MCTP1: variants seen among roughly 807,000 people sequenced by gnomAD.
MCTP1 encodes multiple C2 and transmembrane domain containing 1.
Under a neutral mutation model 120.6 loss-of-function variants are expected in MCTP1, and 69 were observed. The ratio of observed to expected loss-of-function variants is 0.57; its 90% CI spans 0.47 to 0.70. MCTP1 has a LOEUF of 0.70. Among genes scored for constraint, MCTP1 ranks in the 30% least tolerant of loss-of-function variants. MCTP1 has a pLI of 0.00. For synonymous variants in MCTP1, 529 were observed against 493.1 expected (o/e 1.07, Z -0.96); for missense variants, 1,203 against 1,248.8 (o/e 0.96, Z 0.55).
chr5:95,220,215 A>AT (rs1187579040), intron 1 of MCTP1, among the ~76,000 whole-genome samples: 2 of 152,226 alleles, frequency 1.3e-5, no homozygotes, highest in East Asian at 1.9e-4. Context: ...TACATGAGAG[A>AT]TTTTTTTGTG....
intron 8 of MCTP1, among the ~76,000 whole-genome samples, chr5:94,915,181 G>A (rs1581333693): frequency 2.0e-5 from 3 of 152,156 alleles, no homozygotes; most frequent in South Asian, 2.1e-4. Flanking sequence ...TGGTTCCCAC[G>A]AAAACCCCAT....
chr5:94,806,719 A>C (rs2153048581), intron 17 of MCTP1, among the ~76,000 whole-genome samples: 1 of 152,362 alleles, frequency 6.6e-6, no homozygotes, highest in East Asian at 1.9e-4. Context: ...AATCTCATCC[A>C]AAATGATTAA....
chr5:95,231,337 G>GATAT (rs138755290), intron 1 of MCTP1, among the ~76,000 whole-genome samples: 1 of 149,740 alleles, frequency 6.7e-6, no homozygotes, highest in Non-Finnish European at 1.5e-5. Flanking sequence ...GATGGATAAG[G>GATAT]ATATATATAT....
chr5:94,738,069 G>T (rs2152736650), intron 19 of MCTP1, among the ~76,000 whole-genome samples: 1 of 152,344 alleles, frequency 6.6e-6, no homozygotes, highest in African/African-American at 2.4e-5. Context: ...TCACCACCTA[G>T]TGGCACTTGT....
At chr5:94,819,330 C>T (rs1438177095) in intron 17 of MCTP1, among the ~76,000 whole-genome samples, 1 of 151,908 alleles carries the variant, frequency 6.6e-6, no homozygotes, top group East Asian at 1.9e-4. Flanking sequence ...GGAGTTTCAC[C>T]ATGTTGGCCA....
intron 5 of MCTP1, among the ~76,000 whole-genome samples, chr5:94,934,336 C>G (rs1581435106): frequency 6.6e-6 from 1 of 151,692 alleles, no homozygotes; most frequent in Non-Finnish European, 1.5e-5. Context: ...GCTCTATGAT[C>G]TTAACTTCAG....
chr5:94,952,171 C>CAAAACAAAAAAAAAAAAAA (rs1820768239), intron 3 of MCTP1, among the ~76,000 whole-genome samples: 1 of 87,890 alleles, frequency 1.1e-5, no homozygotes, highest in Non-Finnish European at 2.2e-5. Flanking sequence ...GACTTTGTCG[C>CAAAACAAAAAAAAAAAAAA]AAAAAAAAAA....
chr5:95,010,701 T>C (rs1331661841), intron 2 of MCTP1, among the ~76,000 whole-genome samples: 1 of 152,124 alleles, frequency 6.6e-6, no homozygotes, highest in Non-Finnish European at 1.5e-5. Context: ...CAAAGTAATA[T>C]TTTCTGTCCC....
At chr5:95,145,009 T>C (rs557876669) in intron 1 of MCTP1, among the ~76,000 whole-genome samples, 41 of 152,342 alleles carry the variant, frequency 2.7e-4, no homozygotes, top group Non-Finnish European at 1.0e-4. Context: ...ATTTTAATGA[T>C]ATTGATTCTT....
At chr5:94,763,250 T>C (rs1264240038) in intron 19 of MCTP1, among the ~76,000 whole-genome samples, 3 of 152,216 alleles carry the variant, frequency 2.0e-5, no homozygotes, top group African/African-American at 7.2e-5. Context: ...CATTTCATCA[T>C]AACAATTCTC....
chr5:95,249,513 T>C (rs1258584068), intron 1 of MCTP1, among the ~76,000 whole-genome samples: 2 of 151,956 alleles, frequency 1.3e-5, no homozygotes, highest in African/African-American at 4.8e-5. Flanking sequence ...AAGCAACAGA[T>C]GATGGAGAGG....
chr5:95,128,593 C>T (rs1164549087), intron 1 of MCTP1, among the ~76,000 whole-genome samples: 1 of 152,134 alleles, frequency 6.6e-6, no homozygotes, highest in Non-Finnish European at 1.5e-5. Flanking sequence ...TGTATGATTC[C>T]ATTTGTATGA....
At chr5:95,076,537 T>C (rs542816106) in intron 1 of MCTP1, among the ~76,000 whole-genome samples, 2 of 151,784 alleles carry the variant, frequency 1.3e-5, no homozygotes, top group Admixed American at 1.3e-4. Flanking sequence ...CATTGACGAA[T>C]GTTGAAACTG....
Position 95,284,353 on chromosome 5 carries a change from C to A in MCTP1, c.223G>T (p.Gly75Cys), listed in dbSNP as rs1217986140. ...GNAPARGSGA[G>C]SRWSGFKKRK... ...TTCTTGAAGCCGCTCCACCTGCTGC[C>A]TGCACCACTCCCCCTGGCCGGTGCA... is the stretch of plus-strand genomic sequence containing the variant. Residue 75 changes from glycine (G) to cysteine (C), a missense_variant, in exon 1 of 23, where the codon GGC becomes TGC. By Grantham distance (159) the Gly-to-Cys change is radical. Transcript: ENST00000515393. This position sits in a 1 kb window ranked among gnomAD's most constrained non-coding sequence, Gnocchi z 5.2. The A allele has an allele frequency of 6.3e-7, 1 of 1,596,870 alleles. No individual in the cohort carries two copies. The highest frequency in any genetic ancestry group is 1.1e-5 in the South Asian group (1 of 90,952).
intron 12 of MCTP1, among the ~76,000 whole-genome samples, 155 bp from the exon 13 acceptor site, chr5:94,873,396 TAG>T (rs1798191773): frequency 6.6e-6 from 1 of 151,938 alleles, no homozygotes; most frequent in Non-Finnish European, 1.5e-5. Flanking sequence ...ACCATCAAAA[TAG>T]AGTTAGATGT....
chr5:95,144,322 T>C (rs530497202), intron 1 of MCTP1, among the ~76,000 whole-genome samples: 276 of 152,314 alleles, frequency 1.8e-3, no homozygotes, highest in Non-Finnish European at 3.4e-3. Context: ...GTCAGATGCA[T>C]AGTTTATGAA....
chr5:94,710,991 C>T, intron 20 of MCTP1, 64 bp from the exon 21 acceptor site: 2 of 1,100,062 alleles, frequency 1.8e-6, no homozygotes, highest in Non-Finnish European at 2.7e-6. Context: ...TATTAAAATA[C>T]ATATGATTCT....
chr5:95,206,105 A>G (rs1751586741), intron 1 of MCTP1, among the ~76,000 whole-genome samples: 1 of 152,324 alleles, frequency 6.6e-6, no homozygotes, highest in African/African-American at 2.4e-5. Flanking sequence ...TATAATTCAT[A>G]AAAGTGGCAA....
chr5:95,184,690 T>G (rs80229586), intron 1 of MCTP1, among the ~76,000 whole-genome samples: 1,651 of 152,268 alleles, frequency 0.011, 34 homozygotes, highest in African/African-American at 0.037. Context: ...TCATGCAGCT[T>G]CTGGCTCCAA....
Sources: allele counts gnomAD v4.1 joint callset (sites outside exome capture counted in the v4.1 genomes callset), GRCh38; gene constraint gnomAD v4.1.1; non-coding constraint Gnocchi (gnomAD v3.1); transcripts MANE v1.5; gene names NCBI Gene and HGNC (gene_info 2026-07-23, HGNC 2026-07-21).